Variants in DPF3 observed in about 807,000 individuals in gnomAD.
DPF3 encodes the protein zinc finger protein DPF3.
A neutral mutation model predicts 56.8 loss-of-function variants in DPF3; 18 were observed. The ratio of observed to expected loss-of-function variants is 0.32; its 90% CI spans 0.22 to 0.47. DPF3 has a LOEUF of 0.47. DPF3 is among the 20% of genes least tolerant of loss of function. The pLI is 1.00. For missense variants in DPF3, 403 were observed against 488.8 expected (o/e 0.82, Z 1.65); for synonymous variants, 188 against 180.2 (o/e 1.04, Z -0.35).
intron 8 of DPF3, among the ~76,000 whole-genome samples, chr14:72,672,083 A>C (rs1049087353): frequency 4.0e-4 from 60 of 150,348 alleles, no homozygotes; most frequent in African/African-American, 1.2e-3. Context: ...ACACACACAC[A>C]CCCAGCCACC....
At chr14:72,879,857 G>A (rs1231264951) in intron 1 of DPF3, 1 of 1,535,474 alleles carries the variant, frequency 6.5e-7, no homozygotes, top group Non-Finnish European at 8.7e-7. Flanking sequence ...CCAGGTCTGT[G>A]AACCCCATAA....
chr14:72,836,247 C>G, intron 1 of DPF3: 1 of 985,668 alleles, frequency 1.0e-6, no homozygotes, highest in Non-Finnish European at 1.2e-6. Flanking sequence ...ACTTCCCTCT[C>G]CAGTGATATG....
At chr14:72,778,541 T>C (rs1167640891) in intron 1 of DPF3, among the ~76,000 whole-genome samples, 2 of 152,180 alleles carry the variant, frequency 1.3e-5, no homozygotes, top group African/African-American at 2.4e-5. Flanking sequence ...AATGTAATAA[T>C]AACAGAAATA....
At chr14:72,629,536 G>C (rs1885044371) in intron 9 of DPF3, 88 bp downstream of exon 9, 1 of 1,293,260 alleles carries the variant, frequency 7.7e-7, no homozygotes, top group East Asian at 2.5e-5. Context: ...CAGGGGCCTA[G>C]TGACAAGAGT....
At chr14:72,775,677 G>A (rs1021008593) in intron 1 of DPF3, among the ~76,000 whole-genome samples, 10 of 152,102 alleles carry the variant, frequency 6.6e-5, no homozygotes, top group Non-Finnish European at 8.8e-5. Context: ...ATTAAAGATC[G>A]AAGCTGCAAA....
chr14:72,733,132 G>C (rs550014605), intron 3 of DPF3, among the ~76,000 whole-genome samples: 1 of 152,098 alleles, frequency 6.6e-6, no homozygotes, highest in South Asian at 2.1e-4. Flanking sequence ...TAAGGTACAG[G>C]AGATCATTCT....
At chr14:72,760,201 T>C (rs1891009831) in intron 2 of DPF3, among the ~76,000 whole-genome samples, 1 of 152,210 alleles carries the variant, frequency 6.6e-6, no homozygotes, top group African/African-American at 2.4e-5. Flanking sequence ...CCGGGCGCGG[T>C]GGCTCATACC....
intron 1 of DPF3, among the ~76,000 whole-genome samples, chr14:72,809,438 G>T (rs1405145931): frequency 6.6e-6 from 1 of 152,166 alleles, no homozygotes; most frequent in African/African-American, 2.4e-5. Context: ...TGAGAAGTCG[G>T]CAGGTCAGCA....
chr14:72,806,595 T>C (rs1262524735), intron 1 of DPF3, among the ~76,000 whole-genome samples: 2 of 152,204 alleles, frequency 1.3e-5, no homozygotes, highest in Admixed American at 6.5e-5. Flanking sequence ...TAATCCTTTT[T>C]TCCCCACCCG....
intron 8 of DPF3, among the ~76,000 whole-genome samples, chr14:72,642,056 G>A (rs935952597): frequency 1.3e-5 from 2 of 152,236 alleles, no homozygotes; most frequent in African/African-American, 4.8e-5. Flanking sequence ...AGCAGCTCAT[G>A]AGGACCTGAG....
chr14:72,776,348 C>T (rs1384057954), intron 1 of DPF3, among the ~76,000 whole-genome samples: 1 of 152,172 alleles, frequency 6.6e-6, no homozygotes, highest in African/African-American at 2.4e-5. Flanking sequence ...AGACAGCATT[C>T]TGGTTGCAGC....
At chr14:72,738,133 G>A (rs1298143693) in intron 3 of DPF3, among the ~76,000 whole-genome samples, 1 of 152,166 alleles carries the variant, frequency 6.6e-6, no homozygotes, top group Admixed American at 6.5e-5. Flanking sequence ...TCACCTCACA[G>A]GGGAAGAGAC....
intron 8 of DPF3, among the ~76,000 whole-genome samples, chr14:72,664,428 C>G (rs911928215): frequency 6.6e-6 from 1 of 152,136 alleles, no homozygotes; most frequent in African/African-American, 2.4e-5. Flanking sequence ...CTTCCATTTT[C>G]TCTTTTGTTT....
intron 1 of DPF3, among the ~76,000 whole-genome samples, chr14:72,777,687 G>A (rs1296848604): frequency 6.6e-6 from 1 of 152,144 alleles, no homozygotes; most frequent in Non-Finnish European, 1.5e-5. Context: ...TAGCAAGTGA[G>A]TTCTTGCAAG....
In DPF3 at chr14:72,788,824, C is replaced by T. The variant is rs556840635; in HGVS notation, c.33-16931G>A. Reference sequence around the variant, plus strand: ...TATCAGTAGATATGAGAGTTAACGTCCCAAAGTTGAGGCCAGGCCTGAGGA... The same window carrying T: ...TATCAGTAGATATGAGAGTTAACGTTCCAAAGTTGAGGCCAGGCCTGAGGA... On this transcript the variant is annotated intron_variant, in intron 1 of 10. Transcript: ENST00000556509. Among the ~76,000 whole-genome samples the T allele has an allele frequency of 1.2e-4, 19 of 152,292 alleles. No homozygotes were observed. The South Asian group carries it at 1.5e-3, about 12-fold the overall frequency.
intron 1 of DPF3, among the ~76,000 whole-genome samples, chr14:72,789,304 A>G (rs1567233265): frequency 6.6e-6 from 1 of 152,086 alleles, no homozygotes; most frequent in Non-Finnish European, 1.5e-5. Flanking sequence ...ACCCCTCATT[A>G]TACAGCTGAG....
At chr14:72,773,865 C>T (rs145014890) in intron 1 of DPF3, 103 of 455,488 alleles carry the variant, frequency 2.3e-4, no homozygotes, top group African/African-American at 1.9e-3. Context: ...GAATAATATT[C>T]CATTGTATGC....
At chr14:72,795,523 A>G (rs1242762826) in intron 1 of DPF3, among the ~76,000 whole-genome samples, 2 of 152,282 alleles carry the variant, frequency 1.3e-5, no homozygotes, top group East Asian at 3.9e-4. Context: ...TGTCTGGCAC[A>G]CAGTGAATGC....
intron 5 of DPF3, 57 bp downstream of exon 5, chr14:72,723,576 G>A: frequency 7.0e-7 from 1 of 1,419,506 alleles, no homozygotes; most frequent in African/African-American, 1.5e-5. Context: ...ATCAATCGTT[G>A]GCCGGGCACC....
Sources: gnomAD v4.1 joint callset for allele counts (sites outside exome capture counted in the v4.1 genomes callset) on GRCh38, gnomAD v4.1.1 for gene constraint, MANE v1.5 for transcripts, NCBI Gene and HGNC (gene_info 2026-07-23, HGNC 2026-07-21) for gene names.